The following PLXDC2 variants were observed in gnomAD, a reference collection of about 807,000 sequenced individuals.
The protein encoded by PLXDC2 is plexin domain-containing protein 2.
A neutral mutation model predicts 68.9 loss-of-function variants in PLXDC2; 40 were observed. That is an observed-to-expected ratio of 0.58 (90% confidence interval 0.45 to 0.76). The LOEUF is 0.76. PLXDC2 is among the 30% of genes least tolerant of loss of function. The pLI is 0.00. For missense variants in PLXDC2, 644 were observed against 661.9 expected (o/e 0.97, Z 0.30); for synonymous variants, 243 against 234.2 (o/e 1.04, Z -0.34).
intron 2 of PLXDC2, among the ~76,000 whole-genome samples, chr10:20,039,398 A>G (rs1432214978): frequency 6.6e-6 from 1 of 152,224 alleles, no homozygotes; most frequent in South Asian, 2.1e-4. Flanking sequence ...ATTGCACTCT[A>G]CAGCAGTTAA....
intron 1 of PLXDC2, among the ~76,000 whole-genome samples, chr10:19,960,238 C>G (rs1241364528): frequency 6.7e-6 from 1 of 149,550 alleles, no homozygotes; most frequent in Non-Finnish European, 1.5e-5. Flanking sequence ...GTAGTGCACA[C>G]GTGTATTCCC....
intron 1 of PLXDC2, among the ~76,000 whole-genome samples, chr10:19,891,456 T>G (rs144744200): frequency 6.6e-6 from 1 of 152,256 alleles, no homozygotes; most frequent in African/African-American, 2.4e-5. Flanking sequence ...TCTATTAGAT[T>G]GTGCTATAGA....
intron 13 of PLXDC2, among the ~76,000 whole-genome samples, chr10:20,277,168 CA>C (rs991253857): frequency 7.8e-6 from 1 of 127,806 alleles, no homozygotes; most frequent in African/African-American, 3.0e-5. Flanking sequence ...GAGATCTTGC[CA>C]TTGCACTCCA....
chr10:19,835,048 A>G (rs763352357), intron 1 of PLXDC2, among the ~76,000 whole-genome samples: 5 of 152,176 alleles, frequency 3.3e-5, no homozygotes, highest in African/African-American at 4.8e-5. Context: ...CATCCTGAAC[A>G]GAGAGAACAA....
At chr10:19,852,318 T>C (rs1349651005) in intron 1 of PLXDC2, among the ~76,000 whole-genome samples, 1 of 149,784 alleles carries the variant, frequency 6.7e-6, no homozygotes, top group Non-Finnish European at 1.5e-5. Flanking sequence ...GCCTAGGAGG[T>C]TGTGGTACCA....
At chr10:19,845,550 T>C (rs2131321577) in intron 1 of PLXDC2, among the ~76,000 whole-genome samples, 1 of 152,268 alleles carries the variant, frequency 6.6e-6, no homozygotes, top group African/African-American at 2.4e-5. Context: ...AAGTGGAGCT[T>C]ACCCCATGAG....
chr10:20,158,656 C>G (rs780722162), intron 6 of PLXDC2, among the ~76,000 whole-genome samples: 57 of 148,500 alleles, frequency 3.8e-4, no homozygotes, highest in Admixed American at 8.1e-4. Flanking sequence ...GAATGAGACT[C>G]TGTCTCAAAT....
intron 2 of PLXDC2, among the ~76,000 whole-genome samples, chr10:20,005,839 C>T (rs1384165163): frequency 6.6e-6 from 1 of 152,090 alleles, no homozygotes; most frequent in Non-Finnish European, 1.5e-5. Context: ...AAATGAGATT[C>T]GGAAGGGACA....
chr10:19,905,426 A>G (rs1564624864), intron 1 of PLXDC2, among the ~76,000 whole-genome samples: 2 of 152,290 alleles, frequency 1.3e-5, no homozygotes, highest in African/African-American at 4.8e-5. Flanking sequence ...TGGGTTTTTG[A>G]TAGACTCTGG....
intron 9 of PLXDC2, among the ~76,000 whole-genome samples, chr10:20,202,939 A>G (rs781562512): frequency 2.0e-5 from 3 of 152,066 alleles, no homozygotes; most frequent in Non-Finnish European, 4.4e-5. Context: ...ACCTTTTTAT[A>G]TATTTGTCAT....
At chr10:20,041,038 T>C (rs1564292499) in intron 2 of PLXDC2, among the ~76,000 whole-genome samples, 2 of 152,206 alleles carry the variant, frequency 1.3e-5, no homozygotes, top group African/African-American at 4.8e-5. Flanking sequence ...GAAATGGTCA[T>C]TTTTCCCTTT....
At chr10:19,847,954 C>T (rs781111332) in intron 1 of PLXDC2, among the ~76,000 whole-genome samples, 13 of 152,054 alleles carry the variant, frequency 8.5e-5, no homozygotes, top group Non-Finnish European at 1.5e-4. Context: ...ATATACCTAC[C>T]GATTGCTAGG....
At chr10:19,832,040 A>T (rs1208031245) in intron 1 of PLXDC2, among the ~76,000 whole-genome samples, 1 of 151,938 alleles carries the variant, frequency 6.6e-6, no homozygotes, top group African/African-American at 2.4e-5. Flanking sequence ...AGAGGCAAAA[A>T]CCCATCAAAC....
At chr10:19,896,656 A>C (rs1353612027) in intron 1 of PLXDC2, among the ~76,000 whole-genome samples, 1 of 152,148 alleles carries the variant, frequency 6.6e-6, no homozygotes, top group East Asian at 1.9e-4. Flanking sequence ...AGTTCTGCAC[A>C]ATGGTGGGCT....
intron 1 of PLXDC2, among the ~76,000 whole-genome samples, chr10:19,881,413 G>A (rs1172602477): frequency 6.6e-6 from 1 of 152,046 alleles, no homozygotes; most frequent in Admixed American, 6.5e-5. Flanking sequence ...ACTGCGCCTG[G>A]CCGCCAATTT....
chr10:20,142,033 A>T (rs1013937269), intron 4 of PLXDC2, among the ~76,000 whole-genome samples: 1 of 152,086 alleles, frequency 6.6e-6, no homozygotes, highest in Non-Finnish European at 1.5e-5. Flanking sequence ...GAAAGAAGAT[A>T]TTGCCAAAAA....
chr10:20,289,658 C>G lies in PLXDC2; in HGVS notation c.*9839C>G, dbSNP rs192548002. On this transcript the variant is annotated 3_prime_UTR_variant, in exon 14 of 14. Coordinates refer to ENST00000377252, the MANE Select transcript of PLXDC2 (RefSeq NM_032812.9). ...ACTACCTTTATAACAACACCGAGTACGCACAGACCTGAACCCATGCCCAAG... is the reference window on the plus strand; with the variant it reads ...ACTACCTTTATAACAACACCGAGTAGGCACAGACCTGAACCCATGCCCAAG... The G allele has an allele frequency of 1.3e-5, 2 of 152,356 alleles. No individual in the cohort carries two copies. Among genetic ancestry groups the G allele is most frequent in the East Asian group, 1.9e-4 (1 of 5,178 alleles). The allele number at this position is 152,356 out of a possible 1,614,324, so 9.4% of individuals were successfully genotyped here. A position where few individuals can be genotyped will look rare whatever the true frequency, so the allele number is the denominator to read the frequency against.
chr10:20,276,768 C>T (rs1836011935), intron 13 of PLXDC2, among the ~76,000 whole-genome samples: 1 of 152,140 alleles, frequency 6.6e-6, no homozygotes, highest in Non-Finnish European at 1.5e-5. Flanking sequence ...CATATCCCTT[C>T]TCTGAAATCC....
At chr10:20,225,406 T>A (rs1835272811) in intron 12 of PLXDC2, among the ~76,000 whole-genome samples, 1 of 144,106 alleles carries the variant, frequency 6.9e-6, no homozygotes, top group Admixed American at 6.9e-5. Flanking sequence ...GTGTAGATCA[T>A]AGTCCTATGA....
Sources: allele counts gnomAD v4.1 joint callset (sites outside exome capture counted in the v4.1 genomes callset), GRCh38; gene constraint gnomAD v4.1.1; transcripts MANE v1.5; gene names NCBI Gene and HGNC (gene_info 2026-07-23, HGNC 2026-07-21).